Variants in TRARG1 observed in about 807,000 individuals in gnomAD.
TRARG1 encodes the protein trafficking regulator of GLUT4 1.
Under a neutral mutation model 13.3 loss-of-function variants are expected in TRARG1, and 16 were observed. The observed-to-expected ratio is 1.20, with a 90% CI of 0.81 to 1.83. TRARG1 has a LOEUF of 1.83. Among genes scored for constraint, TRARG1 ranks in the 40% most tolerant of loss-of-function variants. The pLI is 0.00. For missense variants in TRARG1, 250 were observed against 237.4 expected (o/e 1.05, Z -0.35); for synonymous variants, 113 against 106.2 (o/e 1.06, Z -0.39).
intron 2 of TRARG1, 120 bp downstream of exon 2, chr17:1,295,743 G>GA (rs2150812419): frequency 7.9e-7 from 1 of 1,267,508 alleles, no homozygotes; most frequent in East Asian, 2.5e-5. Flanking sequence ...GGCTGGTGGG[G>GA]GCCCCGGCCT....
rs751457450 is a variant in TRARG1 at position 1,295,552 on chromosome 17, G to A, written c.449G>A (p.Arg150Gln). ...DGARRLGRLA[R>Q]LLSITLIIMG... ...GCCCGGAGGCTGGGCCGCCTGGCTC[G>A]GCTGCTCAGCATTACCCTCATCATC... The change falls in exon 2 of 3, where the codon CGG becomes CAG. Residue 150 changes from arginine to glutamine, a missense_variant. Arg to Gln is a conservative substitution (Grantham distance 43). Coordinates refer to ENST00000333813, the MANE Select transcript of TRARG1 (RefSeq NM_172367.3). 5.6e-6 allele frequency: 9 copies of A among 1,613,222 alleles called. No homozygotes were observed. Among genetic ancestry groups the A allele is most frequent in the Non-Finnish European group, 6.8e-6 (8 of 1,179,812 alleles).
intron 1 of TRARG1, among the ~76,000 whole-genome samples, chr17:1,281,950 A>G (rs1294525998): frequency 2.6e-5 from 4 of 151,708 alleles, no homozygotes; most frequent in African/African-American, 4.8e-5. Context: ...ACATATATGC[A>G]CATACATGTA....
chr17:1,283,578 G>A (rs1037150647), intron 1 of TRARG1, among the ~76,000 whole-genome samples: 1 of 152,018 alleles, frequency 6.6e-6, no homozygotes, highest in Non-Finnish European at 1.5e-5. Context: ...AGGCCGAGGC[G>A]GGTGGATCTC....
At chr17:1,282,018 A>G (rs184056215) in intron 1 of TRARG1, among the ~76,000 whole-genome samples, 101 of 144,694 alleles carry the variant, frequency 7.0e-4, no homozygotes, top group Admixed American at 1.5e-3. Flanking sequence ...ATATGTACAT[A>G]TACATATGTA....
chr17:1,288,443 C>T (rs1455378768), intron 1 of TRARG1, among the ~76,000 whole-genome samples: 4 of 114,952 alleles, frequency 3.5e-5, no homozygotes, highest in South Asian at 3.4e-4. Context: ...ACTGGGTTCC[C>T]CATCCCCCAC....
chr17:1,298,449 G>T lies in TRARG1; in HGVS notation c.*185G>T, dbSNP rs142228248. ...AGCCCCCATCTGACAAGAAAGCCTG[G>T]AGCGAGGAAGGAAAGCACAGCGAAC... On this transcript the variant is annotated 3_prime_UTR_variant, in exon 3 of 3. Coordinates refer to ENST00000333813, the MANE Select transcript of TRARG1 (RefSeq NM_172367.3). The T allele has an allele frequency of 6.6e-3, 3,920 of 595,684 alleles. 24 individuals carry two copies. The highest frequency in any genetic ancestry group is 9.0e-3 in the Non-Finnish European group (3,171 of 351,650). The allele number at this position is 595,684 out of a possible 1,614,324, so 36.9% of individuals were successfully genotyped here.
rs746660132 is a variant in TRARG1 at position 1,298,547 on chromosome 17, A to C, written c.*283A>C. The C allele has an allele frequency of 6.9e-4, 276 of 401,344 alleles. No individual in the cohort carries two copies. The highest frequency in any genetic ancestry group is 2.2e-4 in the Non-Finnish European group (50 of 226,626). 24.9% of individuals were successfully genotyped at this position (401,344 alleles called of 1,614,324 possible). On this transcript the variant is annotated 3_prime_UTR_variant, in exon 3 of 3. Transcript: ENST00000333813. ...ACCCCAGCAGTCTGGCTTGTTTCTC[A>C]TTCCCACAATTTCCTGGGTTCCACC...
Position 1,280,133 on chromosome 17 carries a change from C to T in TRARG1, c.132C>T (p.Ser44=), listed in dbSNP as rs1190345076. 6.2e-7 allele frequency: 1 copy of T among 1,613,848 alleles called. No homozygotes were observed. Among genetic ancestry groups the T allele is most frequent in the East Asian group, 2.2e-5 (1 of 44,894 alleles). Reference sequence around the variant, plus strand: ...AGGATGACAAGACCCTGAATCTGTCCAAGACCCTCTCGGGGCCTCTGGATC... The same window carrying T: ...AGGATGACAAGACCCTGAATCTGTCTAAGACCCTCTCGGGGCCTCTGGATC... ...ENKDDKTLNL[S]KTLSGPLDLE... The change falls in exon 1 of 3, where the codon TCC becomes TCT. Residue 44 remains serine (S), a synonymous_variant. Coordinates refer to ENST00000333813, the MANE Select transcript of TRARG1 (RefSeq NM_172367.3).
At chr17:1,295,042 A>C (rs113447314) in intron 1 of TRARG1, among the ~76,000 whole-genome samples, 1 of 152,122 alleles carries the variant, frequency 6.6e-6, no homozygotes, top group East Asian at 1.9e-4. Flanking sequence ...AGAGGAGGCC[A>C]GCGTGTCAGG....
chr17:1,290,905 A>ATTTT (rs34602713), intron 1 of TRARG1, among the ~76,000 whole-genome samples: 11 of 141,514 alleles, frequency 7.8e-5, no homozygotes, highest in African/African-American at 2.6e-4. Context: ...GATCTGATGG[A>ATTTT]TTTTTTTTTT....
chr17:1,292,100 G>A (rs1293561834), intron 1 of TRARG1, among the ~76,000 whole-genome samples: 5 of 151,420 alleles, frequency 3.3e-5, no homozygotes, highest in African/African-American at 7.4e-5. Flanking sequence ...CCCGGCAGGC[G>A]GAGGTTGCAG....
At chr17:1,286,576 G>A (rs1158703040) in intron 1 of TRARG1, among the ~76,000 whole-genome samples, 8 of 142,156 alleles carry the variant, frequency 5.6e-5, no homozygotes, top group Non-Finnish European at 1.1e-4. Flanking sequence ...TTGTCAGCCT[G>A]TGGGGTGTTA....
At chr17:1,287,987 C>A (rs2072035751) in intron 1 of TRARG1, among the ~76,000 whole-genome samples, 1 of 151,926 alleles carries the variant, frequency 6.6e-6, no homozygotes, top group African/African-American at 2.4e-5. Flanking sequence ...GAGTGCCCTC[C>A]CCACTCTGTC....
intron 1 of TRARG1, 99 bp downstream of exon 1, chr17:1,280,487 G>A: frequency 7.7e-7 from 1 of 1,295,180 alleles, no homozygotes. Context: ...GTGTGGAGAA[G>A]AGAGAGCTGG....
intron 1 of TRARG1, among the ~76,000 whole-genome samples, chr17:1,293,727 T>G (rs191209282): frequency 6.6e-6 from 1 of 152,154 alleles, no homozygotes; most frequent in East Asian, 1.9e-4. Flanking sequence ...AGGTTGAATT[T>G]GATGATGTCA....
At position 1,300,175 on chromosome 17, in the gene TRARG1, C is replaced by T. The variant is rs910910223; in HGVS notation, c.*1911C>T. 1 of 152,228 alleles carries T rather than the reference C, an allele frequency of 6.6e-6. No individual in the cohort carries two copies. The highest frequency in any genetic ancestry group is 6.5e-5 in the Admixed American group (1 of 15,282). 9.4% of individuals were successfully genotyped at this position (152,228 alleles called of 1,614,324 possible). A position where few individuals can be genotyped will look rare whatever the true frequency, so the allele number is the denominator to read the frequency against. ...GTGAGCACGGAGTATTTCTGTCCCT[C>T]GTGAAGTCACGTCACACAGGGGAGA... On this transcript the variant is annotated 3_prime_UTR_variant, in exon 3 of 3. Transcript: ENST00000333813.
rs372463560 is a variant in TRARG1 at position 1,295,526 on chromosome 17, C to T, written c.423C>T (p.Gly141=). The change falls in exon 2 of 3, where the codon GGC becomes GGT. Residue 141 remains glycine, a synonymous_variant. Transcript: ENST00000333813. ...RSSMQQGNVD[G]ARRLGRLARL... is the part of the protein sequence containing the mutation. ...GCATGCAACAGGGCAACGTGGACGG[C>T]GCCCGGAGGCTGGGCCGCCTGGCTC... 22 of 1,611,944 alleles carry T rather than the reference C, an allele frequency of 1.4e-5. No homozygotes were observed. The highest frequency in any genetic ancestry group is 3.3e-5 in the Admixed American group (2 of 59,760).
In TRARG1 at chr17:1,279,839, T is replaced by C. The variant is rs12453182; in HGVS notation, c.-163T>C. ...TCTGAACTCAGCTGGCTTGAGAAGC[T>C]CAGCCCAACCCTTCCAGCACCCAGC... On this transcript the variant is annotated 5_prime_UTR_variant, in exon 1 of 3. Coordinates refer to ENST00000333813, the MANE Select transcript of TRARG1 (RefSeq NM_172367.3). The C allele has an allele frequency of 0.77, 604,462 of 784,780 alleles. 233,943 individuals are homozygous for C. The highest frequency in any genetic ancestry group is 0.92 in the East Asian group (33,102 of 35,958). The allele number at this position is 784,780 out of a possible 1,614,324, so 48.6% of individuals were successfully genotyped here.
At chr17:1,287,786 G>A (rs1386944390) in intron 1 of TRARG1, among the ~76,000 whole-genome samples, 10 of 152,178 alleles carry the variant, frequency 6.6e-5, no homozygotes, top group East Asian at 5.8e-4. Flanking sequence ...CCGAGCAGCC[G>A]GGACTACAGG....
Sources: allele counts gnomAD v4.1 joint callset (sites outside exome capture counted in the v4.1 genomes callset), GRCh38; gene constraint gnomAD v4.1.1; transcripts MANE v1.5; gene names NCBI Gene and HGNC (gene_info 2026-07-23, HGNC 2026-07-21).